DYNC2H1: variants seen among roughly 807,000 people sequenced by gnomAD.
DYNC2H1 encodes the protein dynein cytoplasmic 2 heavy chain 1, also known as cytoplasmic dynein 2 heavy chain 1.
A neutral mutation model predicts 570.0 loss-of-function variants in DYNC2H1; 410 were observed. That is an observed-to-expected ratio of 0.72 (90% CI 0.66 to 0.78). The LOEUF (loss-of-function observed/expected upper bound fraction) is 0.78, where lower values mean the gene tolerates loss of function less well. DYNC2H1 is among the 30% of genes least tolerant of loss of function. The pLI, the probability that DYNC2H1 is intolerant of heterozygous loss-of-function variation, is 0.00. For synonymous variants in DYNC2H1, 1,688 were observed against 1,677.6 expected, an observed-to-expected ratio of 1.01 and a Z score of -0.15; for missense variants, 4,865 against 5,046.4, an observed-to-expected ratio of 0.96 and a Z score of 1.09.
chr11:103,302,079 G>A (rs1329689274), intron 75 of DYNC2H1, among the ~76,000 whole-genome samples: 1 of 151,980 alleles, frequency 6.6e-6, no homozygotes, highest in Non-Finnish European at 1.5e-5. Flanking sequence ...TTTAGCAGAA[G>A]AGATTTAAAT....
At position 103,121,385 on chromosome 11, in the gene DYNC2H1, C is replaced by G; in HGVS notation, c.1374C>G (p.Asp458Glu). The G allele has an allele frequency of 1.2e-6, 2 of 1,606,192 alleles. No individual in the cohort carries two copies. Among genetic ancestry groups the G allele is most frequent in the Admixed American group, 1.7e-5 (1 of 58,316 alleles). ...TAAATTTTATAGATTTTCGATTAGA[C>G]TTTGAGAATCGGTGCCGAGGAATTC... Reference protein sequence around the residue: ...LVDSIKDFRLDFENRCRGIPG... With the variant: ...LVDSIKDFRLEFENRCRGIPG... Residue 458 changes from aspartate (D) to glutamate (E), a missense_variant, in exon 10 of 89, where the codon GAC (aspartate) becomes GAG (glutamate). Asp to Glu is a conservative substitution (Grantham distance 45). Transcript: ENST00000375735.
chr11:103,116,126 A>G (rs1416403674), intron 4 of DYNC2H1, among the ~76,000 whole-genome samples: 1 of 151,280 alleles, frequency 6.6e-6, no homozygotes, highest in Non-Finnish European at 1.5e-5. Context: ...AAATGGTTTT[A>G]AGCTTTTTTT....
At chr11:103,156,900 A>T in intron 26 of DYNC2H1, 130 bp downstream of exon 26, 5 of 1,165,670 alleles carry the variant, frequency 4.3e-6, no homozygotes, top group Non-Finnish European at 5.8e-6. Flanking sequence ...ATTCTTTCCT[A>T]GTGGATCCTT....
chr11:103,169,613 T>A (rs1338114488), intron 32 of DYNC2H1, among the ~76,000 whole-genome samples: 5 of 152,016 alleles, frequency 3.3e-5, no homozygotes, highest in Admixed American at 3.3e-4. Context: ...GGAATGGGAG[T>A]CTGTTTTCCC....
In DYNC2H1 at chr11:103,163,246, C is replaced by T. The variant is rs1187216284; in HGVS notation, c.4611+99C>T. ...TCAGATAAATCGCATCTGTTTTCTCCCTTTATCTAACAGTTAACGGACAAA... is the reference window on the plus strand; with the variant it reads ...TCAGATAAATCGCATCTGTTTTCTCTCTTTATCTAACAGTTAACGGACAAA... On this transcript the variant is annotated intron_variant, in intron 30 of 88. Transcript: ENST00000375735. This position sits in a 1 kb window ranked among gnomAD's most constrained non-coding sequence, Gnocchi z 4.6. 7.4e-7 allele frequency: 1 copy of T among 1,355,810 alleles called. No homozygotes were observed. Among genetic ancestry groups the T allele is most frequent in the African/African-American group, 1.5e-5 (1 of 68,106 alleles). 84.0% of individuals were successfully genotyped at this position (1,355,810 alleles called of 1,614,324 possible). A position where few individuals can be genotyped will look rare whatever the true frequency, so the allele number is the denominator to read the frequency against.
intron 75 of DYNC2H1, among the ~76,000 whole-genome samples, chr11:103,293,927 A>C: frequency 6.6e-6 from 1 of 152,072 alleles, no homozygotes; most frequent in Non-Finnish European, 1.5e-5. Context: ...AAACACAAAA[A>C]TTAGCCAGGC....
rs1864499603 is a variant in DYNC2H1, at chr11:103,243,581, T to C, written c.9820-112T>C. ...GTTGTATATTTGTGTTCTCCAAAGCTTGAGAGAAAAGATCATTTAGTAATT... is the reference window on the plus strand; with the variant it reads ...GTTGTATATTTGTGTTCTCCAAAGCCTGAGAGAAAAGATCATTTAGTAATT... On this transcript the variant is annotated intron_variant, in intron 63 of 88. Transcript: ENST00000375735. The surrounding 1 kb of genome is among the most constrained non-coding windows in gnomAD (Gnocchi z 4.8). The C allele has an allele frequency of 4.6e-6, 4 of 878,708 alleles. No homozygotes were observed. The Admixed American group carries it at 8.2e-5, about 18-fold the overall frequency. 54.4% of individuals were successfully genotyped at this position (878,708 alleles called of 1,614,324 possible).
At chr11:103,161,175 C>A in intron 29 of DYNC2H1, 131 bp downstream of exon 29, 1 of 456,074 alleles carries the variant, frequency 2.2e-6, no homozygotes, top group East Asian at 3.9e-5. Flanking sequence ...CAGCTCATAT[C>A]TTAAAAATGA....
At chr11:103,477,795 C>T (rs951060421) in intron 88 of DYNC2H1, among the ~76,000 whole-genome samples, 6 of 140,124 alleles carry the variant, frequency 4.3e-5, no homozygotes, top group Non-Finnish European at 9.0e-5. Flanking sequence ...TACGCCACTG[C>T]ACTCCAGCCG....
intron 75 of DYNC2H1, among the ~76,000 whole-genome samples, chr11:103,300,834 A>T (rs1008749451): frequency 2.0e-5 from 3 of 151,930 alleles, no homozygotes; most frequent in Non-Finnish European, 2.9e-5. Context: ...GGTAATCTGC[A>T]TTTTAGCTTT....
At position 103,176,292 on chromosome 11, in the gene DYNC2H1, C is replaced by G. The variant is rs778578112; in HGVS notation, c.5732C>G (p.Thr1911Arg). The change falls in exon 37 of 89, where the codon ACG becomes AGG. Residue 1911 changes from threonine to arginine, a missense_variant. Around this residue, in one of 5 missense-constraint regions of DYNC2H1, gnomAD observed 292 missense variants for 300.2 expected, o/e 0.97. Transcript: ENST00000375735. ...ALRLNTMSKFTFTDCTRFDAL... is the reference protein window; with the variant it reads ...ALRLNTMSKFRFTDCTRFDAL... ...AGGCTTAATACCATGTCAAAGTTTA[C>G]GTTTACTGATTGCACCCGGTTTGAT... 1.3e-6 allele frequency: 2 copies of G among 1,546,842 alleles called. No individual in the cohort carries two copies. The highest frequency in any genetic ancestry group is 2.8e-5 in the African/African-American group (2 of 72,662).
At chr11:103,282,012 C>A in intron 71 of DYNC2H1, 167 bp from the exon 72 acceptor site, 1 of 521,850 alleles carries the variant, frequency 1.9e-6, no homozygotes. Flanking sequence ...TATGTTGTCA[C>A]ATTAATTCAT....
Position 103,303,193 on chromosome 11 carries a change from T to G in DYNC2H1, c.11196T>G (p.Asp3732Glu), listed in dbSNP as rs1867123110. ...TGATAATTATTTCTCCGGGTGCTGA[T>G]CCTTCTCAGGAACTTCAAGAACTAG... ...PILIIISPGA[D>E]PSQELQELAN... The change falls in exon 76 of 89, where the codon GAT (aspartate) becomes GAG (glutamate). Residue 3732 changes from aspartate (D) to glutamate (E), a missense_variant. By Grantham distance (45) the Asp-to-Glu change is conservative. This residue lies in a region of DYNC2H1 where 2,401 missense variants were observed against 2,454.6 expected (regional missense o/e 0.98). Coordinates refer to ENST00000375735, the MANE Select transcript of DYNC2H1 (RefSeq NM_001377.3). The G allele has an allele frequency of 6.2e-7, 1 of 1,612,778 alleles. No homozygotes were observed. The highest frequency in any genetic ancestry group is 1.3e-5 in the African/African-American group (1 of 74,874).
At chr11:103,374,733 G>C (rs966132787) in intron 83 of DYNC2H1, among the ~76,000 whole-genome samples, 2 of 152,148 alleles carry the variant, frequency 1.3e-5, no homozygotes, top group African/African-American at 4.8e-5. Flanking sequence ...GTGGAACTTT[G>C]AACTTGAGAG....
At chr11:103,437,737 C>G (rs1447105518) in intron 85 of DYNC2H1, among the ~76,000 whole-genome samples, 1 of 152,074 alleles carries the variant, frequency 6.6e-6, no homozygotes, top group Non-Finnish European at 1.5e-5. Context: ...TGATAATTTA[C>G]CACTTCATGT....
intron 70 of DYNC2H1, among the ~76,000 whole-genome samples, chr11:103,279,673 T>C (rs1453932638): frequency 1.3e-5 from 2 of 152,206 alleles, no homozygotes; most frequent in Non-Finnish European, 2.9e-5. Context: ...ATTGGTGTCT[T>C]TTTGATACCT....
chr11:103,332,075 A>C lies in DYNC2H1; in HGVS notation c.12039+8085A>C, dbSNP rs561379650. ...AAAGCGAGACTCCATCTCAAAAAAA[A>C]AAAAAAGTTCCGATGAAAAAGCATA... On this transcript the variant is annotated intron_variant, in intron 82 of 88. Coordinates refer to ENST00000375735, the MANE Select transcript of DYNC2H1 (RefSeq NM_001377.3). 2.0e-5 allele frequency among the ~76,000 whole-genome samples: 3 copies of C among 152,198 alleles called. No homozygotes were observed. In the South Asian group the frequency reaches 6.2e-4, roughly 32 times the overall value.
chr11:103,386,898 C>T (rs898510250), intron 83 of DYNC2H1, among the ~76,000 whole-genome samples: 4 of 151,138 alleles, frequency 2.6e-5, no homozygotes, highest in African/African-American at 7.3e-5. Flanking sequence ...TCCAGTCTAT[C>T]GTTGTTGGAC....
intron 82 of DYNC2H1, among the ~76,000 whole-genome samples, chr11:103,336,216 A>G (rs1477579463): frequency 6.6e-6 from 1 of 152,222 alleles, no homozygotes; most frequent in Non-Finnish European, 1.5e-5. Flanking sequence ...TGTTAAAAGC[A>G]TACACTGTGT....
Sources: gnomAD v4.1 joint callset for allele counts (sites outside exome capture counted in the v4.1 genomes callset) on GRCh38, gnomAD v4.1.1 for gene constraint, gnomAD v4.1.1 regional missense constraint, Gnocchi (gnomAD v3.1) non-coding constraint, MANE v1.5 for transcripts, NCBI Gene and HGNC (gene_info 2026-07-23, HGNC 2026-07-21) for gene names.